DPP6: variants seen among roughly 807,000 people sequenced by gnomAD.
DPP6 encodes the protein dipeptidyl peptidase like 6, also known as A-type potassium channel modulatory protein DPP6.
A neutral mutation model predicts 122.6 loss-of-function variants in DPP6; 69 were observed. The observed-to-expected ratio is 0.56, with a 90% CI of 0.46 to 0.69. DPP6 has a LOEUF of 0.69. Among genes scored for constraint, DPP6 ranks in the 30% least tolerant of loss-of-function variants. DPP6 has a pLI of 0.00. For missense variants in DPP6, 928 were observed against 1,116.9 expected (o/e 0.83, Z 2.41); for synonymous variants, 418 against 433.1 (o/e 0.97, Z 0.43).
chr7:154,613,989 A>G (rs1358081404), intron 5 of DPP6, among the ~76,000 whole-genome samples: 1 of 152,164 alleles, frequency 6.6e-6, no homozygotes, highest in African/African-American at 2.4e-5. Flanking sequence ...CATTCCGCAT[A>G]CAGTGTCTTC....
At chr7:154,228,342 C>T (rs1004372416) in intron 1 of DPP6, among the ~76,000 whole-genome samples, 12 of 152,194 alleles carry the variant, frequency 7.9e-5, no homozygotes, top group African/African-American at 1.9e-4. Context: ...CAAACCATCT[C>T]GAAGTCCTCA....
chr7:154,843,628 G>T (rs1201914069), intron 16 of DPP6, among the ~76,000 whole-genome samples: 1 of 152,210 alleles, frequency 6.6e-6, no homozygotes, highest in African/African-American at 2.4e-5. Flanking sequence ...TCTAAGAGCC[G>T]AGTGCAGTAC....
At chr7:153,748,173 G>A in the DPP6 span, among the ~76,000 whole-genome samples, 1 of 152,184 alleles carries the variant, frequency 6.6e-6, no homozygotes, top group Non-Finnish European at 1.5e-5. Context: ...TGCAGCCTGT[G>A]CTAACGAGCC....
chr7:154,450,026 A>G (rs1428726780), intron 2 of DPP6, among the ~76,000 whole-genome samples: 3 of 150,760 alleles, frequency 2.0e-5, no homozygotes, highest in Non-Finnish European at 3.0e-5. Flanking sequence ...ATAAATAAAT[A>G]AATAAATAAA....
At chr7:154,399,821 C>A (rs1452055303) in intron 1 of DPP6, among the ~76,000 whole-genome samples, 1 of 152,150 alleles carries the variant, frequency 6.6e-6, no homozygotes, top group Non-Finnish European at 1.5e-5. Context: ...GAAAGGATAT[C>A]ATTTCTATTC....
the DPP6 span, among the ~76,000 whole-genome samples, chr7:153,879,337 C>G: frequency 6.6e-6 from 1 of 152,104 alleles, no homozygotes; most frequent in Non-Finnish European, 1.5e-5. Context: ...CTTAAAATAC[C>G]AGCCCAAGCT....
intron 1 of DPP6, among the ~76,000 whole-genome samples, chr7:154,103,954 C>G (rs537826837): frequency 1.3e-5 from 2 of 152,194 alleles, no homozygotes; most frequent in Non-Finnish European, 2.9e-5. Context: ...TGAGCCACTA[C>G]CGGCTTCTCT....
intron 1 of DPP6, among the ~76,000 whole-genome samples, chr7:154,333,209 A>G: frequency 6.6e-6 from 1 of 151,900 alleles, no homozygotes; most frequent in Middle Eastern, 3.2e-3. Context: ...TTGGAGAGAT[A>G]TGACATGTTT....
intron 1 of DPP6, among the ~76,000 whole-genome samples, chr7:153,947,119 G>A (rs76538216): frequency 0.025 from 3,803 of 152,280 alleles, 183 homozygotes; most frequent in African/African-American, 0.086. Context: ...CTTAGCCAAA[G>A]GAATCCATTG....
intron 5 of DPP6, among the ~76,000 whole-genome samples, chr7:154,610,924 C>CGCCTTCGT (rs1833876228): frequency 6.6e-6 from 1 of 152,178 alleles, no homozygotes; most frequent in Non-Finnish European, 1.5e-5. Flanking sequence ...TCTAACCTCT[C>CGCCTTCGT]ACCTTTGTAA....
At chr7:154,505,903 T>C (rs1441099394) in intron 3 of DPP6, among the ~76,000 whole-genome samples, 1 of 152,210 alleles carries the variant, frequency 6.6e-6, no homozygotes, top group African/African-American at 2.4e-5. Flanking sequence ...GGCAATGCTC[T>C]TTCTTCTTGA....
At chr7:154,285,459 T>C (rs1386551918) in intron 1 of DPP6, among the ~76,000 whole-genome samples, 1 of 152,202 alleles carries the variant, frequency 6.6e-6, no homozygotes, top group East Asian at 1.9e-4. Flanking sequence ...GAGACGGGGT[T>C]TCACCGTGTT....
chr7:154,865,699 T>C (rs568164724), intron 17 of DPP6, among the ~76,000 whole-genome samples: 4 of 152,284 alleles, frequency 2.6e-5, no homozygotes, highest in Non-Finnish European at 5.9e-5. Flanking sequence ...GCCTCAGTTT[T>C]TCCAACTCTT....
At chr7:153,842,633 T>C in the DPP6 span, among the ~76,000 whole-genome samples, 3 of 152,218 alleles carry the variant, frequency 2.0e-5, no homozygotes, top group African/African-American at 7.2e-5. Context: ...ATCTGGGTTT[T>C]ACTTTACCGT....
In DPP6 at chr7:154,536,833, C is replaced by T. The variant is rs893488668; in HGVS notation, c.458-3699C>T. On this transcript the variant is annotated intron_variant, in intron 3 of 25. Coordinates refer to ENST00000377770, the MANE Select transcript of DPP6 (RefSeq NM_130797.4). The stretch of plus-strand genomic sequence containing the variant: ...ATTGATCACATCACATCTTATAGAG[C>T]GAATAATGACCTTCTCAAATTGTAC... Among the ~76,000 whole-genome samples the T allele has an allele frequency of 3.9e-5, 6 of 152,200 alleles. No individual in the cohort carries two copies. The East Asian group carries it at 5.8e-4, about 15-fold the overall frequency.
chr7:154,232,924 G>A (rs1317469168), intron 1 of DPP6, among the ~76,000 whole-genome samples: 1 of 152,198 alleles, frequency 6.6e-6, no homozygotes, highest in Non-Finnish European at 1.5e-5. Context: ...GCCACGAAGT[G>A]CTAAAGTCTG....
At position 154,486,345 on chromosome 7, in the gene DPP6, G is replaced by A. The variant is rs1486203537; in HGVS notation, c.457+11308G>A. On this transcript the variant is annotated intron_variant, in intron 3 of 25. Coordinates refer to ENST00000377770, the MANE Select transcript of DPP6 (RefSeq NM_130797.4). This position sits in a 1 kb window ranked among gnomAD's most constrained non-coding sequence, Gnocchi z 4.5. ...GACAGGGTTGCACCATGTTGGTCAG[G>A]CTGGTCTCGAACTACTGACCTCGTG... Among the ~76,000 whole-genome samples the A allele has an allele frequency of 6.6e-6, 1 of 152,076 alleles. No individual in the cohort carries two copies. Among genetic ancestry groups the A allele is most frequent in the Non-Finnish European group, 1.5e-5 (1 of 68,028 alleles).
rs3807298 is a variant in DPP6 at position 154,892,757 on chromosome 7, C to A, written c.*277C>A. On this transcript the variant is annotated 3_prime_UTR_variant, in exon 26 of 26. Coordinates refer to ENST00000377770, the MANE Select transcript of DPP6 (RefSeq NM_130797.4). ...GACCGGCACGCCACGGCCCCTCCCC[C>A]AAGGAACAGAGCAAAGGATGGTGGC... The A allele has an allele frequency of 1.5e-6, 1 of 668,120 alleles. No individual in the cohort carries two copies. 41.4% of individuals were successfully genotyped at this position (668,120 alleles called of 1,614,324 possible).
chr7:154,698,097 T>G (rs937013), intron 7 of DPP6, among the ~76,000 whole-genome samples: 145,118 of 152,236 alleles, frequency 0.95, 69,185 homozygotes, highest in South Asian at 1. Flanking sequence ...TATTTTAGTA[T>G]GTTTTCTAAA....
Sources: gnomAD v4.1 joint callset for allele counts (sites outside exome capture counted in the v4.1 genomes callset) on GRCh38, gnomAD v4.1.1 for gene constraint, Gnocchi (gnomAD v3.1) non-coding constraint, MANE v1.5 for transcripts, NCBI Gene and HGNC (gene_info 2026-07-23, HGNC 2026-07-21) for gene names.